The following EFNA5 variants were observed in gnomAD, a reference collection of about 807,000 sequenced individuals.
EFNA5 encodes the protein ephrin-A5.
A neutral mutation model predicts 22.9 loss-of-function variants in EFNA5; 5 were observed. The ratio of observed to expected loss-of-function variants is 0.22; its 90% CI spans 0.11 to 0.46. The LOEUF (loss-of-function observed/expected upper bound fraction) is 0.46. EFNA5 is among the 20% of genes least tolerant of loss of function. The pLI is 0.99. For missense variants in EFNA5, 237 were observed against 293.3 expected, an observed-to-expected ratio of 0.81 and a Z score of 1.40; for synonymous variants, 113 against 112.2, an observed-to-expected ratio of 1.01 and a Z score of -0.04.
At chr5:107,402,869 G>C (rs1748120976) in intron 2 of EFNA5, among the ~76,000 whole-genome samples, 1 of 152,198 alleles carries the variant, frequency 6.6e-6, no homozygotes, top group Non-Finnish European at 1.5e-5. Flanking sequence ...ACCTTTGTGG[G>C]AGGAAAGGAA....
intron 1 of EFNA5, among the ~76,000 whole-genome samples, chr5:107,451,679 A>C (rs1749563650): frequency 6.6e-6 from 1 of 152,236 alleles, no homozygotes; most frequent in African/African-American, 2.4e-5. Context: ...TATAAATTAA[A>C]CAAGCCTGGA....
intron 1 of EFNA5, among the ~76,000 whole-genome samples, chr5:107,434,890 T>C (rs1749065533): frequency 6.6e-6 from 1 of 152,214 alleles, no homozygotes; most frequent in Non-Finnish European, 1.5e-5. Flanking sequence ...AGAAATCCAA[T>C]GTCACTTCTT....
intron 1 of EFNA5, among the ~76,000 whole-genome samples, chr5:107,657,241 G>T (rs907327163): frequency 3.3e-5 from 5 of 151,926 alleles, no homozygotes; most frequent in African/African-American, 1.2e-4. Flanking sequence ...CAAATCTTAG[G>T]TATATCAACT....
At chr5:107,591,690 G>C (rs967743553) in intron 1 of EFNA5, among the ~76,000 whole-genome samples, 1 of 147,160 alleles carries the variant, frequency 6.8e-6, no homozygotes, top group African/African-American at 2.5e-5. Flanking sequence ...ATTTGGTGGC[G>C]GGCCCCTGTA....
chr5:107,431,261 C>T (rs1390460837), intron 1 of EFNA5, among the ~76,000 whole-genome samples: 2 of 152,072 alleles, frequency 1.3e-5, no homozygotes, highest in African/African-American at 2.4e-5. Flanking sequence ...AGCTATATAA[C>T]GTACTCAAGT....
chr5:107,527,425 T>A (rs933694891), intron 1 of EFNA5, among the ~76,000 whole-genome samples: 1 of 152,120 alleles, frequency 6.6e-6, no homozygotes, highest in Non-Finnish European at 1.5e-5. Flanking sequence ...TAGCTCGGAC[T>A]ACAGGCATAT....
At chr5:107,586,252 T>C (rs1039955731) in intron 1 of EFNA5, among the ~76,000 whole-genome samples, 2 of 152,172 alleles carry the variant, frequency 1.3e-5, no homozygotes, top group Non-Finnish European at 2.9e-5. Context: ...ATTGCAGTAA[T>C]GGTTTTTAAA....
At chr5:107,401,116 A>G (rs1165699180) in intron 2 of EFNA5, among the ~76,000 whole-genome samples, 1 of 152,200 alleles carries the variant, frequency 6.6e-6, no homozygotes, top group East Asian at 1.9e-4. Context: ...TTTTGTTTCT[A>G]TTTCTTAAGA....
At chr5:107,387,369 C>G (rs1289191703) in intron 3 of EFNA5, 54 bp from the exon 4 acceptor site, 1 of 1,173,062 alleles carries the variant, frequency 8.5e-7, no homozygotes, top group Non-Finnish European at 1.2e-6. Flanking sequence ...CACCCTTAAA[C>G]TCCCATTTCT....
intron 1 of EFNA5, among the ~76,000 whole-genome samples, chr5:107,665,397 C>T (rs986134322): frequency 1.2e-4 from 18 of 152,306 alleles, no homozygotes; most frequent in African/African-American, 4.3e-4. Context: ...CTAAGTGTTC[C>T]CTCCAAACCT....
intron 1 of EFNA5, among the ~76,000 whole-genome samples, chr5:107,631,212 G>T (rs1277527328): frequency 1.3e-5 from 2 of 151,032 alleles, no homozygotes; most frequent in Non-Finnish European, 2.9e-5. Flanking sequence ...TATAAATGTA[G>T]TCCTTTGTTG....
At chr5:107,560,582 C>T (rs1748514198) in intron 1 of EFNA5, among the ~76,000 whole-genome samples, 1 of 152,194 alleles carries the variant, frequency 6.6e-6, no homozygotes, top group African/African-American at 2.4e-5. Flanking sequence ...TGGCCACAAA[C>T]GTTAAGTCAA....
intron 1 of EFNA5, among the ~76,000 whole-genome samples, chr5:107,585,301 A>G (rs1749160803): frequency 6.6e-6 from 1 of 152,204 alleles, no homozygotes; most frequent in African/African-American, 2.4e-5. Context: ...TCTCATAGGC[A>G]CCCAGCAGCT....
intron 1 of EFNA5, among the ~76,000 whole-genome samples, chr5:107,576,644 A>G (rs938871490): frequency 6.6e-6 from 1 of 152,232 alleles, no homozygotes; most frequent in African/African-American, 2.4e-5. Flanking sequence ...CTGCTTATCC[A>G]GCATGTTGGA....
At chr5:107,660,261 CATAT>C (rs56838945) in intron 1 of EFNA5, among the ~76,000 whole-genome samples, 934 of 52,090 alleles carry the variant, frequency 0.018, 9 homozygotes, top group Non-Finnish European at 0.024. Flanking sequence ...ATGGCAAAAA[CATAT>C]ATATATATAT....
At chr5:107,473,454 TG>T (rs1037237439) in intron 1 of EFNA5, among the ~76,000 whole-genome samples, 3 of 152,180 alleles carry the variant, frequency 2.0e-5, no homozygotes, top group East Asian at 1.9e-4. Context: ...GTCTGCTCAC[TG>T]GGGAGGCAAA....
chr5:107,577,242 G>C (rs1213971849), intron 1 of EFNA5, among the ~76,000 whole-genome samples: 1 of 152,052 alleles, frequency 6.6e-6, no homozygotes, highest in Non-Finnish European at 1.5e-5. Flanking sequence ...AGTCAATTGT[G>C]AACATAAAAC....
chr5:107,659,469 C>A (rs962474010), intron 1 of EFNA5, among the ~76,000 whole-genome samples: 2 of 148,516 alleles, frequency 1.3e-5, no homozygotes, highest in Non-Finnish European at 3.0e-5. Flanking sequence ...ATCCAAGCTG[C>A]TAAAAGTTTG....
chr5:107,616,474 A>C (rs533148952), intron 1 of EFNA5, among the ~76,000 whole-genome samples: 28 of 152,320 alleles, frequency 1.8e-4, no homozygotes, highest in Middle Eastern at 6.8e-3. Flanking sequence ...CCCAAGGCTG[A>C]ATAAACCACA....
Sources: allele counts gnomAD v4.1 joint callset (sites outside exome capture counted in the v4.1 genomes callset), GRCh38; gene constraint gnomAD v4.1.1; transcripts MANE v1.5; gene names NCBI Gene and HGNC (gene_info 2026-07-23, HGNC 2026-07-21).